MSRA: variants seen among roughly 807,000 people sequenced by gnomAD.
The protein encoded by MSRA is mitochondrial peptide methionine sulfoxide reductase.
In MSRA, 54 loss-of-function variants were observed where a neutral mutation model predicts 31.3. That is an observed-to-expected ratio of 1.73 (90% CI 1.39 to 2.17). The LOEUF is 2.17. Among genes scored for constraint, MSRA ranks in the 30% most tolerant of loss-of-function variants. The pLI is 0.00. For missense variants in MSRA, 507 were observed against 300.9 expected (o/e 1.69, Z -5.07); for synonymous variants, 169 against 116.5 (o/e 1.45, Z -2.90).
chr8:10,192,988 A>C (rs1233320266), intron 1 of MSRA, among the ~76,000 whole-genome samples: 1 of 152,250 alleles, frequency 6.6e-6, no homozygotes, highest in Non-Finnish European at 1.5e-5. Context: ...CCTTCTCAAC[A>C]ATAGTTTACA....
chr8:10,182,482 C>G (rs1278678596), intron 1 of MSRA, among the ~76,000 whole-genome samples: 1 of 152,226 alleles, frequency 6.6e-6, no homozygotes, highest in Non-Finnish European at 1.5e-5. Flanking sequence ...AGGTGGAGAG[C>G]TCATCTGAAG....
At chr8:10,182,849 C>A (rs59337645) in intron 1 of MSRA, among the ~76,000 whole-genome samples, 3,721 of 152,274 alleles carry the variant, frequency 0.024, 59 homozygotes, top group South Asian at 0.05. Flanking sequence ...ACATAAGCGG[C>A]TGTCCTCAGT....
chr8:10,221,327 T>G (rs1424578155), intron 2 of MSRA, among the ~76,000 whole-genome samples: 1 of 152,150 alleles, frequency 6.6e-6, no homozygotes, highest in Non-Finnish European at 1.5e-5. Flanking sequence ...GTAAGACATT[T>G]TTAATCTACC....
At chr8:10,301,757 T>C in intron 4 of MSRA, 119 bp downstream of exon 4, 2 of 789,826 alleles carry the variant, frequency 2.5e-6, no homozygotes, top group Non-Finnish European at 2.0e-6. Flanking sequence ...AGAATATGAT[T>C]GCAGACATTT....
Position 10,055,240 on chromosome 8 carries a change from G to A in MSRA, c.142+582G>A, listed in dbSNP as rs909240070. 3.9e-5 allele frequency among the ~76,000 whole-genome samples: 6 copies of A among 152,354 alleles called. 1 individual carries two copies. Among genetic ancestry groups the A allele is most frequent in the African/African-American group, 1.4e-4 (6 of 41,592 alleles). On this transcript the variant is annotated intron_variant, in intron 1 of 5. Transcript: ENST00000317173. The stretch of plus-strand genomic sequence containing the variant: ...TCCCCAGGGGCAGGGGCTGCCGTAT[G>A]CTGGGTCAGCTTAAAGCGATGCTCC...
intron 3 of MSRA, among the ~76,000 whole-genome samples, chr8:10,255,116 C>G (rs972906749): frequency 1.3e-5 from 2 of 152,218 alleles, no homozygotes; most frequent in African/African-American, 4.8e-5. Flanking sequence ...AGAGTGCTGC[C>G]TCAAAACCTA....
intron 3 of MSRA, among the ~76,000 whole-genome samples, chr8:10,245,443 C>T (rs112887514): frequency 1.1e-4 from 17 of 152,318 alleles, no homozygotes; most frequent in African/African-American, 4.1e-4. Flanking sequence ...TGTGGAACAA[C>T]CACTCTAAAA....
chr8:10,108,019 C>G (rs764077637), intron 1 of MSRA, among the ~76,000 whole-genome samples: 2 of 152,084 alleles, frequency 1.3e-5, no homozygotes, highest in Admixed American at 6.5e-5. Context: ...TTTTGTTGTC[C>G]TTGGTGGTGA....
chr8:10,093,701 C>T (rs1403682504), intron 1 of MSRA, among the ~76,000 whole-genome samples: 1 of 152,122 alleles, frequency 6.6e-6, no homozygotes. Context: ...TCTGCAGTTA[C>T]CTTTATACTT....
At chr8:10,241,542 G>A (rs79577172) in intron 2 of MSRA, among the ~76,000 whole-genome samples, 1 of 152,322 alleles carries the variant, frequency 6.6e-6, no homozygotes, top group Non-Finnish European at 1.5e-5. Flanking sequence ...CCTGTCCCAT[G>A]TGAATTGTAC....
At chr8:10,356,463 G>C (rs568469530) in intron 5 of MSRA, among the ~76,000 whole-genome samples, 1 of 152,128 alleles carries the variant, frequency 6.6e-6, no homozygotes, top group South Asian at 2.1e-4. Context: ...CCCAATTCTT[G>C]TAACAGCCAC....
At chr8:10,413,813 A>G (rs933802650) in intron 5 of MSRA, among the ~76,000 whole-genome samples, 1 of 152,176 alleles carries the variant, frequency 6.6e-6, no homozygotes, top group Admixed American at 6.6e-5. Flanking sequence ...AAAATGGGGG[A>G]AAAACGGTGA....
chr8:10,250,432 A>G (rs975890745), intron 3 of MSRA: 6 of 702,410 alleles, frequency 8.5e-6, no homozygotes, highest in East Asian at 2.7e-5. Flanking sequence ...GATGTTCAGA[A>G]CAATTCCATG....
chr8:10,378,269 GC>G (rs1293054296), intron 5 of MSRA, among the ~76,000 whole-genome samples: 14 of 152,174 alleles, frequency 9.2e-5, no homozygotes, highest in African/African-American at 3.1e-4. Context: ...GGTGCTAGCA[GC>G]CTGCGTTCCT....
rs192495599 is a variant in MSRA, at chr8:10,173,599, T to C, written c.143-34234T>C. Among the ~76,000 whole-genome samples, 483 of 152,304 alleles carry C rather than the reference T, an allele frequency of 3.2e-3. 2 individuals are homozygous for C. Among genetic ancestry groups the C allele is most frequent in the Non-Finnish European group, 4.5e-3 (307 of 68,030 alleles). On this transcript the variant is annotated intron_variant, in intron 1 of 5. Coordinates refer to ENST00000317173, the MANE Select transcript of MSRA (RefSeq NM_012331.5). The stretch of plus-strand genomic sequence containing the variant: ...GCATCTCCCTGACACCTCAAACGTA[T>C]GCTCAGCACTCCTTGGGCCCCATGC...
chr8:10,353,079 C>T (rs1183654653), intron 5 of MSRA, among the ~76,000 whole-genome samples: 1 of 152,078 alleles, frequency 6.6e-6, no homozygotes, highest in Non-Finnish European at 1.5e-5. Context: ...ATTCCAGTCC[C>T]TTTCTCTGCA....
intron 5 of MSRA, among the ~76,000 whole-genome samples, chr8:10,376,141 C>T (rs1304448823): frequency 6.6e-6 from 1 of 152,128 alleles, no homozygotes; most frequent in African/African-American, 2.4e-5. Context: ...ATCTGAGCTG[C>T]TCATGGTTGC....
chr8:10,207,754 A>T, intron 1 of MSRA, 79 bp from the exon 2 acceptor site: 1 of 1,306,868 alleles, frequency 7.7e-7, no homozygotes, highest in Non-Finnish European at 1.1e-6. Context: ...AAATAGGCTC[A>T]TTGACACATT....
At position 10,410,920 on chromosome 8, in the gene MSRA, T is replaced by C. The variant is rs970785855; in HGVS notation, c.544-17228T>C. Among the ~76,000 whole-genome samples, 5 of 152,348 alleles carry C rather than the reference T, an allele frequency of 3.3e-5. No homozygotes were observed. In the East Asian group the frequency reaches 9.6e-4, roughly 29 times the overall value. ...CTGAGCCTGACAAAAAGGAAAATTA[T>C]GCTTTGGCAAAGAACACCTATGGCC... On this transcript the variant is annotated intron_variant, in intron 5 of 5. Coordinates refer to ENST00000317173, the MANE Select transcript of MSRA (RefSeq NM_012331.5).
Sources: gnomAD v4.1 joint callset for allele counts (sites outside exome capture counted in the v4.1 genomes callset) on GRCh38, gnomAD v4.1.1 for gene constraint, MANE v1.5 for transcripts, NCBI Gene and HGNC (gene_info 2026-07-23, HGNC 2026-07-21) for gene names.